MAST4: variants seen among roughly 807,000 people sequenced by gnomAD.
MAST4 encodes the protein microtubule-associated serine/threonine-protein kinase 4.
MAST4 carries 89 observed loss-of-function variants against 162.7 expected under a neutral mutation model. The observed-to-expected ratio is 0.55, with a 90% CI of 0.46 to 0.65. The LOEUF (loss-of-function observed/expected upper bound fraction) is 0.65. Ranked by LOEUF, MAST4 falls within the 30% of genes least tolerant of loss-of-function variation. The probability of loss-of-function intolerance (pLI) is 0.00; values close to 1 mark genes in which losing one functional copy is unlikely to be tolerated. For missense variants in MAST4, 3,153 were observed against 3,374.0 expected (o/e 0.93, Z 1.62); for synonymous variants, 1,479 against 1,361.1 (o/e 1.09, Z -1.91).
At chr5:66,774,995 CTG>C (rs33936607) in intron 2 of MAST4, among the ~76,000 whole-genome samples, 23,233 of 141,872 alleles carry the variant, frequency 0.16, 1,812 homozygotes, top group African/African-American at 0.25. Flanking sequence ...TATCCTTTTC[CTG>C]TGTGTGTGTG....
Position 67,166,777 on chromosome 5 carries a change from CACACCACCCCG to C in MAST4, c.7601_7611del (p.His2534ProfsTer37). ...CGGGTCTCCACCCTGCCTCTGGAGT[CACACCACCCCG>C]ACCCAAACACCATGGGCGGGGCCAG... On this transcript the variant is annotated frameshift_variant, in exon 29 of 29. Coordinates refer to ENST00000403625, the MANE Select transcript of MAST4 (RefSeq NM_001164664.2). LOFTEE classifies it low-confidence loss of function (END_TRUNC). 1.2e-6 allele frequency: 2 copies of C among 1,602,144 alleles called. No homozygotes were observed. The highest frequency in any genetic ancestry group is 1.7e-6 in the Non-Finnish European group (2 of 1,174,858).
At chr5:66,819,696 A>G (rs1033018418) in intron 3 of MAST4, among the ~76,000 whole-genome samples, 2 of 149,916 alleles carry the variant, frequency 1.3e-5, no homozygotes, top group Non-Finnish European at 3.0e-5. Flanking sequence ...TTGTGTTTAC[A>G]TTTTTTGTTT....
chr5:67,110,183 G>A lies in MAST4; in HGVS notation c.1442G>A (p.Arg481Gln), dbSNP rs561172890. The change falls in exon 11 of 29, where the codon CGG becomes CAG. Residue 481 changes from arginine (R) to glutamine (Q), a missense_variant. Arg to Gln is a conservative substitution (Grantham distance 43). Coordinates refer to ENST00000403625, the MANE Select transcript of MAST4 (RefSeq NM_001164664.2). ...CTAATTGTTATTGCCCGCCCTGCTC[G>A]GTTATTAGAGTGCCTGGTAAGTTGC... The part of the protein sequence containing the change: ...KILIVIARPA[R>Q]LLECLEFDPE... 46 of 1,612,904 alleles carry A rather than the reference G, an allele frequency of 2.9e-5. No individual in the cohort carries two copies. Among genetic ancestry groups the A allele is most frequent in the African/African-American group, 4.0e-5 (3 of 74,988 alleles).
intron 21 of MAST4, among the ~76,000 whole-genome samples, chr5:67,143,245 A>AC (rs1280888098): frequency 2.1e-5 from 3 of 145,014 alleles, no homozygotes; most frequent in African/African-American, 7.7e-5. Context: ...ATATAGTGAG[A>AC]CCCCGTTCTC....
chr5:66,865,348 T>C (rs1760431611), intron 3 of MAST4, among the ~76,000 whole-genome samples: 1 of 152,194 alleles, frequency 6.6e-6, no homozygotes, highest in Non-Finnish European at 1.5e-5. Flanking sequence ...TGCTTTAGAA[T>C]TGGTTTTTCA....
At chr5:67,078,277 G>C (rs1761916369) in intron 5 of MAST4, among the ~76,000 whole-genome samples, 1 of 147,768 alleles carries the variant, frequency 6.8e-6, no homozygotes, top group African/African-American at 2.5e-5. Flanking sequence ...AACATTAAAA[G>C]ATAAACACAG....
At chr5:66,604,351 A>G (rs1174815615) in intron 1 of MAST4, among the ~76,000 whole-genome samples, 3 of 152,220 alleles carry the variant, frequency 2.0e-5, no homozygotes, top group Non-Finnish European at 4.4e-5. Context: ...CACAGTCGAT[A>G]TAATTTTGAT....
chr5:67,115,045 C>CAAAAA (rs35124829), intron 12 of MAST4: 2 of 76,674 alleles, frequency 2.6e-5, no homozygotes, highest in South Asian at 4.2e-4. Context: ...AACTCCGACT[C>CAAAAA]AAAAAAAAAA....
intron 1 of MAST4, among the ~76,000 whole-genome samples, chr5:66,695,230 A>G (rs901822084): frequency 6.6e-6 from 1 of 152,192 alleles, no homozygotes; most frequent in Non-Finnish European, 1.5e-5. Flanking sequence ...AATTTTCTGC[A>G]TATGGCTAGC....
At chr5:67,098,401 C>G (rs1764678365) in intron 7 of MAST4, among the ~76,000 whole-genome samples, 1 of 152,036 alleles carries the variant, frequency 6.6e-6, no homozygotes, top group Non-Finnish European at 1.5e-5. Context: ...TCAGATAATT[C>G]TTAATTTTGA....
chr5:66,625,684 C>G (rs1744379260), intron 1 of MAST4, among the ~76,000 whole-genome samples: 1 of 152,094 alleles, frequency 6.6e-6, no homozygotes, highest in African/African-American at 2.4e-5. Context: ...TCCTAGTACA[C>G]AGCTGGGAAT....
At chr5:66,672,841 A>ACATC (rs1371754552) in intron 1 of MAST4, among the ~76,000 whole-genome samples, 1 of 152,174 alleles carries the variant, frequency 6.6e-6, no homozygotes, top group Admixed American at 6.5e-5. Flanking sequence ...TATATACAGT[A>ACATC]CATCATTTTA....
intron 3 of MAST4, among the ~76,000 whole-genome samples, chr5:66,852,354 A>G (rs1759374414): frequency 6.6e-6 from 1 of 152,160 alleles, no homozygotes; most frequent in South Asian, 2.1e-4. Flanking sequence ...CATGTTGCCC[A>G]GGGTGGTCTC....
At chr5:67,018,521 A>C (rs186787916) in intron 4 of MAST4, among the ~76,000 whole-genome samples, 1 of 152,304 alleles carries the variant, frequency 6.6e-6, no homozygotes, top group East Asian at 1.9e-4. Context: ...TCTCAAAAAA[A>C]AAAGTCCCTT....
intron 4 of MAST4, among the ~76,000 whole-genome samples, chr5:67,052,109 T>C (rs1226667978): frequency 2.6e-5 from 4 of 152,204 alleles, no homozygotes; most frequent in Non-Finnish European, 5.9e-5. Flanking sequence ...TTAAATATGG[T>C]AAACTGTTCA....
intron 4 of MAST4, chr5:66,963,798 T>TCCAGGGCCTGC: frequency 1.3e-6 from 1 of 779,766 alleles, no homozygotes. Flanking sequence ...GTAAGCATGC[T>TCCAGGGCCTGC]CCAGGGCCTG....
At chr5:66,965,992 T>C (rs1746679353) in intron 4 of MAST4, among the ~76,000 whole-genome samples, 1 of 152,198 alleles carries the variant, frequency 6.6e-6, no homozygotes, top group East Asian at 1.9e-4. Flanking sequence ...ACAATTGCAA[T>C]AAACTAAATT....
intron 3 of MAST4, among the ~76,000 whole-genome samples, chr5:66,876,104 A>G (rs1761283456): frequency 6.6e-6 from 1 of 152,210 alleles, no homozygotes; most frequent in Admixed American, 6.5e-5. Context: ...TGCTTATCGT[A>G]CACTCAGCAG....
chr5:66,958,270 G>A (rs545917102), intron 4 of MAST4, among the ~76,000 whole-genome samples: 1 of 152,230 alleles, frequency 6.6e-6, no homozygotes, highest in East Asian at 1.9e-4. Context: ...ACCAGGGGTT[G>A]CCAAGTTTTA....
Sources: allele counts gnomAD v4.1 joint callset (sites outside exome capture counted in the v4.1 genomes callset), GRCh38; gene constraint gnomAD v4.1.1; transcripts MANE v1.5; gene names NCBI Gene and HGNC (gene_info 2026-07-23, HGNC 2026-07-21).